RUNX1T1: variants seen among roughly 807,000 people sequenced by gnomAD.
RUNX1T1 encodes protein CBFA2T1.
RUNX1T1 carries 4 observed loss-of-function variants against 62.8 expected under a neutral mutation model. The observed-to-expected ratio is 0.06, with a 90% CI of 0.03 to 0.15. The LOEUF (loss-of-function observed/expected upper bound fraction) is 0.15. Among genes scored for constraint, RUNX1T1 ranks in the 10% least tolerant of loss-of-function variants. The pLI is 1.00. For synonymous variants in RUNX1T1, 291 were observed against 286.0 expected (o/e 1.02, Z -0.18); for missense variants, 508 against 754.3 (o/e 0.67, Z 3.82).
intron 1 of RUNX1T1, chr8:92,094,980 C>T (rs538386419): frequency 1.4e-6 from 2 of 1,409,206 alleles, no homozygotes; most frequent in African/African-American, 1.4e-5. Context: ...CCTATTCAGA[C>T]TGGCAAAACT....
chr8:91,958,378 T>A (rs1809681262), downstream of RUNX1T1: 2 of 196,340 alleles, frequency 1.0e-5, no homozygotes, highest in Non-Finnish European at 1.1e-5. Flanking sequence ...GTAGTACTGG[T>A]GCTTTTCAAA....
At position 92,060,553 on chromosome 8, in the gene RUNX1T1, A is replaced by ATGTGTG. The variant is rs1271953758; in HGVS notation, c.7+1987_7+1992dup. Among the ~76,000 whole-genome samples, 94 of 63,936 alleles carry ATGTGTG rather than the reference A, an allele frequency of 1.5e-3. 1 individual carries two copies. The highest frequency in any genetic ancestry group is 2.7e-3 in the African/African-American group (47 of 17,320). The allele number at this position is 63,936 out of a possible 152,430, so 41.9% of individuals were successfully genotyped here. ...TATATATATATATATATATATATAT[A>ATGTGTG]TGTGTGTGTGTGTGTGTGTGTGTGT... On this transcript the variant is annotated intron_variant, in intron 1 of 10. Transcript: ENST00000396218.
exon 11 of RUNX1T1, chr8:91,959,412 T>TTGTGTGTGTGTG (rs56037232): frequency 3.0e-4 from 42 of 139,482 alleles, no homozygotes; most frequent in Non-Finnish European, 4.6e-4. Flanking sequence ...AGTCTCTTAC[T>TTGTGTGTGTGTG]TGTGTGTGTG....
At chr8:92,029,007 G>A (rs1341108416) in intron 1 of RUNX1T1, among the ~76,000 whole-genome samples, 3 of 152,216 alleles carry the variant, frequency 2.0e-5, no homozygotes, top group Non-Finnish European at 1.5e-5. Flanking sequence ...TCAGAGAGCT[G>A]CTGCAGAAAA....
At chr8:92,043,059 C>A (rs1318829104) in intron 1 of RUNX1T1, among the ~76,000 whole-genome samples, 3 of 152,148 alleles carry the variant, frequency 2.0e-5, no homozygotes, top group Non-Finnish European at 2.9e-5. Context: ...TTTCTCATTT[C>A]TCTCACATGA....
chr8:91,973,871 T>C (rs1813365098), intron 9 of RUNX1T1, among the ~76,000 whole-genome samples: 1 of 152,104 alleles, frequency 6.6e-6, no homozygotes, highest in Non-Finnish European at 1.5e-5. Context: ...CATATATCCA[T>C]AGAAAACTAT....
At chr8:92,038,681 C>T (rs1265798671) in intron 1 of RUNX1T1, among the ~76,000 whole-genome samples, 1 of 152,276 alleles carries the variant, frequency 6.6e-6, no homozygotes, top group Middle Eastern at 3.4e-3. Flanking sequence ...CATCTCAATT[C>T]TCCAGCCAAA....
At chr8:92,024,216 C>T (rs1824674352) in intron 1 of RUNX1T1, among the ~76,000 whole-genome samples, 1 of 152,060 alleles carries the variant, frequency 6.6e-6, no homozygotes, top group Non-Finnish European at 1.5e-5. Flanking sequence ...TAAAATAACC[C>T]TGGCATGCAA....
rs1222650620 is a variant in RUNX1T1 at position 92,035,574 on chromosome 8, C to T, written c.8-18211G>A. On this transcript the variant is annotated intron_variant, in intron 1 of 10. Coordinates refer to ENST00000396218, the Ensembl canonical transcript of RUNX1T1. ...GGAGATCAACTCCATATATTTTATACGGTTGTTTCAATTTCATATTTATCA... is the reference window on the plus strand; with the variant it reads ...GGAGATCAACTCCATATATTTTATATGGTTGTTTCAATTTCATATTTATCA... 4.6e-5 allele frequency among the ~76,000 whole-genome samples: 7 copies of T among 152,154 alleles called. No homozygotes were observed. In the South Asian group the frequency reaches 6.2e-4, roughly 13 times the overall value.
At chr8:92,081,754 C>A (rs1344038208) in intron 1 of RUNX1T1, among the ~76,000 whole-genome samples, 2 of 152,144 alleles carry the variant, frequency 1.3e-5, no homozygotes, top group Non-Finnish European at 2.9e-5. Context: ...TAACAACTGT[C>A]CAGTTGCCAG....
chr8:92,028,363 C>G (rs1825653779), intron 1 of RUNX1T1, among the ~76,000 whole-genome samples: 1 of 152,104 alleles, frequency 6.6e-6, no homozygotes, highest in African/African-American at 2.4e-5. Context: ...CTGGTGGATG[C>G]CAGGCATTAC....
chr8:91,977,366 T>C (rs1814196592), intron 8 of RUNX1T1: 1 of 194,064 alleles, frequency 5.2e-6, no homozygotes, highest in East Asian at 8.3e-5. Flanking sequence ...GAAATATCTA[T>C]GCATTCTCCT....
chr8:92,087,413 A>G (rs1482103142), intron 1 of RUNX1T1, among the ~76,000 whole-genome samples: 1 of 151,888 alleles, frequency 6.6e-6, no homozygotes, highest in Non-Finnish European at 1.5e-5. Flanking sequence ...TTCCACATCT[A>G]GGCTTCTGCA....
chr8:92,038,527 AACAGGAC>A (rs1158942461), intron 1 of RUNX1T1, among the ~76,000 whole-genome samples: 2 of 152,320 alleles, frequency 1.3e-5, no homozygotes, highest in East Asian at 3.9e-4. Context: ...GGAAAAGCCA[AACAGGAC>A]ACAGGAAATG....
intron 3 of RUNX1T1, among the ~76,000 whole-genome samples, 166 bp downstream of exon 4, chr8:92,014,413 A>G (rs1326332588): frequency 1.3e-5 from 2 of 152,194 alleles, no homozygotes; most frequent in African/African-American, 4.8e-5. Flanking sequence ...TATATAATGC[A>G]GAATTTAAAA....
chr8:92,075,762 G>C (rs754269260), intron 2 of RUNX1T1, among the ~76,000 whole-genome samples: 121 of 152,024 alleles, frequency 8.0e-4, no homozygotes, highest in Non-Finnish European at 1.2e-3. Flanking sequence ...CTATCAAACA[G>C]GGTTCCCACC....
intron 1 of RUNX1T1, chr8:92,095,132 C>A (rs1443310854): frequency 6.5e-7 from 1 of 1,535,584 alleles, no homozygotes; most frequent in East Asian, 2.4e-5. Flanking sequence ...ATTTCTCTTT[C>A]TCACTCTGCT....
At chr8:92,005,721 T>G (rs2131029780) in intron 4 of RUNX1T1, 1 of 154,170 alleles carries the variant, frequency 6.5e-6, no homozygotes, top group African/African-American at 2.4e-5. Context: ...CACACTCAAT[T>G]TTGTATCTGG....
At chr8:92,062,884 C>T in exon 1 of RUNX1T1, 1 of 1,356,702 alleles carries the variant, frequency 7.4e-7, no homozygotes, top group Non-Finnish European at 9.5e-7. Flanking sequence ...AGCACTCCAC[C>T]TCTCTCTGCA....
Sources: gnomAD v4.1 joint callset for allele counts (sites outside exome capture counted in the v4.1 genomes callset) on GRCh38, gnomAD v4.1.1 for gene constraint, MANE v1.5 for transcripts, NCBI Gene and HGNC (gene_info 2026-07-23, HGNC 2026-07-21) for gene names.